NRXN3: variants seen among roughly 807,000 people sequenced by gnomAD.
NRXN3 encodes the protein neurexin III.
A neutral mutation model predicts 137.6 loss-of-function variants in NRXN3; 32 were observed. The ratio of observed to expected loss-of-function variants is 0.23; its 90% CI spans 0.18 to 0.31. The LOEUF is 0.31. Ranked by LOEUF, NRXN3 falls within the 10% of genes least tolerant of loss-of-function variation. NRXN3 has a pLI of 1.00. For missense variants in NRXN3, 1,574 were observed against 2,062.5 expected, an observed-to-expected ratio of 0.76 and a Z score of 4.59; for synonymous variants, 798 against 784.5, an observed-to-expected ratio of 1.02 and a Z score of -0.29.
rs539279029 is a variant in NRXN3 at position 78,686,724 on chromosome 14, A to G, written c.1222-22493A>G. Among the ~76,000 whole-genome samples the G allele has an allele frequency of 1.1e-4, 16 of 152,302 alleles. 1 individual carries two copies. The highest frequency in any genetic ancestry group is 3.9e-4 in the African/African-American group (16 of 41,554). On this transcript the variant is annotated intron_variant, in intron 6 of 20. Coordinates refer to ENST00000335750, the MANE Select transcript of NRXN3 (RefSeq NM_001330195.2). ...AAAAATCAAAATCTAATAACTCAAA[A>G]TCCAAAGACTTGAACACCCCAAGGG...
rs77556198 is a variant in NRXN3 at position 79,775,244 on chromosome 14, C to T, written c.4015-29868C>T. On this transcript the variant is annotated intron_variant, in intron 19 of 20. Coordinates refer to ENST00000335750, the MANE Select transcript of NRXN3 (RefSeq NM_001330195.2). ...TTAAATATCACCAGAAGATATTTGT[C>T]ACATAAAAACAGTGAGATTAATGTT... Among the ~76,000 whole-genome samples, 612 of 152,020 alleles carry T rather than the reference C, an allele frequency of 4.0e-3. 15 individuals are homozygous for T. In the East Asian group the frequency reaches 0.044, roughly 11 times the overall value.
chr14:78,742,284 A>T (rs1213938686), intron 8 of NRXN3, among the ~76,000 whole-genome samples: 1 of 152,220 alleles, frequency 6.6e-6, no homozygotes, highest in Non-Finnish European at 1.5e-5. Context: ...TTGGCTCTGA[A>T]GACAGTCATA....
At chr14:78,974,420 T>A (rs1374892010) in intron 14 of NRXN3, among the ~76,000 whole-genome samples, 1 of 152,186 alleles carries the variant, frequency 6.6e-6, no homozygotes, top group Admixed American at 6.5e-5. Context: ...AATCTGGACA[T>A]GGCAAAATAA....
In NRXN3 at chr14:79,238,161, GTT is replaced by G. The variant is rs2073725467; in HGVS notation, c.3263-229058_3263-229057del. Among the ~76,000 whole-genome samples the G allele has an allele frequency of 2.0e-5, 3 of 152,166 alleles. No homozygotes were observed. In the South Asian group the frequency reaches 6.2e-4, roughly 32 times the overall value. Reference sequence around the variant, plus strand: ...CTGGACTTACAAGCGGGTGTGCTTAGTTTAATGCTCTCCTATCACCACCTTGA... The same window carrying G: ...CTGGACTTACAAGCGGGTGTGCTTAGTAATGCTCTCCTATCACCACCTTGA... On this transcript the variant is annotated intron_variant, in intron 15 of 20. Coordinates refer to ENST00000335750, the MANE Select transcript of NRXN3 (RefSeq NM_001330195.2).
chr14:79,517,787 G>A (rs2097008873), intron 16 of NRXN3, among the ~76,000 whole-genome samples: 2 of 150,588 alleles, frequency 1.3e-5, no homozygotes, highest in Admixed American at 6.6e-5. Context: ...CTGCTGTATT[G>A]GTCTGTCAGT....
At chr14:78,764,406 C>T (rs1462207325) in intron 8 of NRXN3, among the ~76,000 whole-genome samples, 1 of 152,146 alleles carries the variant, frequency 6.6e-6, no homozygotes, top group Non-Finnish European at 1.5e-5. Flanking sequence ...ATCTGATATA[C>T]CACGAGGCTT....
chr14:79,526,485 T>C (rs1347008281), intron 16 of NRXN3, among the ~76,000 whole-genome samples: 3 of 152,208 alleles, frequency 2.0e-5, no homozygotes, highest in Non-Finnish European at 4.4e-5. Context: ...TTTAATCCTA[T>C]ACAATGTTAG....
At chr14:78,826,791 T>A (rs1295987477) in intron 10 of NRXN3, among the ~76,000 whole-genome samples, 1 of 152,160 alleles carries the variant, frequency 6.6e-6, no homozygotes, top group African/African-American at 2.4e-5. Flanking sequence ...ATTCTTAATT[T>A]CTCCTGCATG....
intron 15 of NRXN3, among the ~76,000 whole-genome samples, chr14:79,317,584 T>C (rs2089104275): frequency 2.0e-5 from 3 of 152,100 alleles, no homozygotes; most frequent in African/African-American, 7.2e-5. Flanking sequence ...TAGGATTTCA[T>C]CATATCTTTT....
intron 16 of NRXN3, among the ~76,000 whole-genome samples, chr14:79,528,203 T>C (rs1379349340): frequency 1.3e-5 from 2 of 152,210 alleles, no homozygotes; most frequent in Non-Finnish European, 2.9e-5. Context: ...GAAAAGAAGA[T>C]AAGTGCCCAA....
chr14:79,193,745 T>G (rs1411821728), intron 15 of NRXN3, among the ~76,000 whole-genome samples: 1 of 152,122 alleles, frequency 6.6e-6, no homozygotes. Flanking sequence ...AGAAATCAGG[T>G]GGATGGAGAA....
intron 4 of NRXN3, among the ~76,000 whole-genome samples, chr14:78,594,563 C>G (rs546102858): frequency 6.6e-6 from 1 of 152,302 alleles, no homozygotes; most frequent in Admixed American, 6.5e-5. Flanking sequence ...CCGATGGCTT[C>G]CCTTTAATGA....
intron 4 of NRXN3, among the ~76,000 whole-genome samples, chr14:78,337,662 A>G (rs1293155786): frequency 6.6e-6 from 1 of 152,122 alleles, no homozygotes; most frequent in African/African-American, 2.4e-5. Flanking sequence ...AGAGCACTGG[A>G]TATTTTCTCT....
At chr14:79,770,237 T>C (rs2099072574) in intron 19 of NRXN3, among the ~76,000 whole-genome samples, 1 of 151,984 alleles carries the variant, frequency 6.6e-6, no homozygotes, top group Admixed American at 6.6e-5. Context: ...TCAACAAGGA[T>C]ACCCAGGAAT....
chr14:79,475,430 T>C (rs1385496260), intron 16 of NRXN3, among the ~76,000 whole-genome samples: 2 of 152,106 alleles, frequency 1.3e-5, no homozygotes, highest in East Asian at 1.9e-4. Context: ...AAAACTAAGA[T>C]GAAGAGAATT....
intron 19 of NRXN3, among the ~76,000 whole-genome samples, chr14:79,799,557 T>A (rs2099170713): frequency 6.6e-6 from 1 of 152,212 alleles, no homozygotes; most frequent in Admixed American, 6.5e-5. Context: ...GGTCACACTG[T>A]CATTCTAGTC....
chr14:79,043,548 G>C (rs1055259627), intron 15 of NRXN3, among the ~76,000 whole-genome samples: 4 of 152,142 alleles, frequency 2.6e-5, no homozygotes, highest in Non-Finnish European at 5.9e-5. Context: ...CTTTACTTCT[G>C]AGGACTATTG....
intron 16 of NRXN3, among the ~76,000 whole-genome samples, chr14:79,555,752 C>T (rs895788783): frequency 2.0e-5 from 3 of 152,160 alleles, no homozygotes; most frequent in African/African-American, 7.2e-5. Flanking sequence ...TGTTTGTCTT[C>T]ATTTCAGCTA....
intron 17 of NRXN3, among the ~76,000 whole-genome samples, chr14:79,670,914 G>T (rs1044033338): frequency 6.6e-6 from 1 of 152,094 alleles, no homozygotes; most frequent in Middle Eastern, 3.2e-3. Flanking sequence ...TTTCCATCTT[G>T]CTTTCTCATC....
Sources: allele counts gnomAD v4.1 joint callset (sites outside exome capture counted in the v4.1 genomes callset), GRCh38; gene constraint gnomAD v4.1.1; transcripts MANE v1.5; gene names NCBI Gene and HGNC (gene_info 2026-07-23, HGNC 2026-07-21).